ZDHHC7: variants seen among roughly 807,000 people sequenced by gnomAD.
The protein encoded by ZDHHC7 is palmitoyltransferase ZDHHC7.
In ZDHHC7, 12 loss-of-function variants were observed where a neutral mutation model predicts 34.1. The ratio of observed to expected loss-of-function variants is 0.35; its 90% CI spans 0.23 to 0.57. The LOEUF (loss-of-function observed/expected upper bound fraction) is 0.57, where lower values mean the gene tolerates loss of function less well. Ranked by LOEUF, ZDHHC7 falls within the 20% of genes least tolerant of loss-of-function variation. The pLI is 0.84. For missense variants in ZDHHC7, 388 were observed against 402.7 expected, an observed-to-expected ratio of 0.96 and a Z score of 0.31; for synonymous variants, 185 against 155.4, an observed-to-expected ratio of 1.19 and a Z score of -1.42.
At chr16:85,004,067 T>C (rs7194580) in intron 1 of ZDHHC7, among the ~76,000 whole-genome samples, 39,087 of 151,852 alleles carry the variant, frequency 0.26, 6,549 homozygotes, top group African/African-American at 0.47. Context: ...AGGCTGACGA[T>C]GCATCCCTAA....
chr16:84,992,535 C>A (rs559240927), intron 2 of ZDHHC7, among the ~76,000 whole-genome samples: 2 of 152,292 alleles, frequency 1.3e-5, no homozygotes, highest in African/African-American at 4.8e-5. Flanking sequence ...TTTGATTGTA[C>A]GCCCTTCTCT....
At chr16:84,979,397 ATGTC>A in intron 4 of ZDHHC7, 112 bp from the exon 5 acceptor site, 1 of 1,368,744 alleles carries the variant, frequency 7.3e-7, no homozygotes, top group African/African-American at 1.5e-5. Flanking sequence ...CTAATACAAC[ATGTC>A]AAAAAATATC....
chr16:85,006,019 G>A (rs1250417440), intron 1 of ZDHHC7, among the ~76,000 whole-genome samples: 3 of 152,066 alleles, frequency 2.0e-5, no homozygotes, highest in Non-Finnish European at 4.4e-5. Flanking sequence ...TAACTTCAAG[G>A]GTCACTAGAT....
intron 1 of ZDHHC7, among the ~76,000 whole-genome samples, chr16:84,999,049 C>G (rs2072621192): frequency 6.6e-6 from 1 of 152,188 alleles, no homozygotes; most frequent in Non-Finnish European, 1.5e-5. Context: ...GCCACCGTGC[C>G]CAGCCTAAAT....
At chr16:85,010,859 T>C (rs1300576029) in intron 1 of ZDHHC7, among the ~76,000 whole-genome samples, 1 of 152,214 alleles carries the variant, frequency 6.6e-6, no homozygotes, top group Admixed American at 6.5e-5. Context: ...GAGAAAAGTT[T>C]ACAGCTTAAG....
At chr16:84,989,802 G>C (rs1361908832) in intron 3 of ZDHHC7, among the ~76,000 whole-genome samples, 1 of 151,960 alleles carries the variant, frequency 6.6e-6, no homozygotes, top group Non-Finnish European at 1.5e-5. Context: ...TGACAAATTG[G>C]GAGTCCCTAT....
At chr16:85,007,613 T>A (rs1039328816) in intron 1 of ZDHHC7, among the ~76,000 whole-genome samples, 1 of 151,842 alleles carries the variant, frequency 6.6e-6, no homozygotes, top group Non-Finnish European at 1.5e-5. Context: ...ACACAAGCGT[T>A]AACATCAGGA....
chr16:84,981,764 C>A (rs993293812), intron 4 of ZDHHC7, 106 bp downstream of exon 4: 1 of 1,586,280 alleles, frequency 6.3e-7, no homozygotes, highest in South Asian at 1.1e-5. Context: ...TGCCCAGATG[C>A]TCGGGGGCCA....
Position 84,990,542 on chromosome 16 carries a change from G to GA in ZDHHC7, c.76dup (p.Ser26PhefsTer9), listed in dbSNP as rs1267243057. ...GTCAGCCTCGGAGGAGGAGGACGAT[G>GA]AAGAGTCATAGTTGTCATTTTCAGC... On this transcript the variant is annotated frameshift_variant, in exon 3 of 8. Coordinates refer to ENST00000313732, the MANE Select transcript of ZDHHC7 (RefSeq NM_017740.3). LOFTEE classifies it high-confidence loss of function. The GA allele has an allele frequency of 6.2e-7, 1 of 1,614,048 alleles. No individual in the cohort carries two copies. Among genetic ancestry groups the GA allele is most frequent in the East Asian group, 2.2e-5 (1 of 44,884 alleles).
upstream of ZDHHC7, among the ~76,000 whole-genome samples, chr16:85,015,353 G>A (rs1017307866): frequency 1.3e-5 from 2 of 151,974 alleles, no homozygotes; most frequent in African/African-American, 2.4e-5. Flanking sequence ...CACCCACCTC[G>A]TCTTCCCAAA....
the ZDHHC7 span, among the ~76,000 whole-genome samples, chr16:85,016,697 C>G: frequency 6.6e-6 from 1 of 151,366 alleles, no homozygotes; most frequent in Non-Finnish European, 1.5e-5. Context: ...TGAACTCAAG[C>G]GATCCTCTCA....
At chr16:84,993,032 A>G (rs1277621664) in intron 2 of ZDHHC7, among the ~76,000 whole-genome samples, 1 of 152,208 alleles carries the variant, frequency 6.6e-6, no homozygotes, top group Non-Finnish European at 1.5e-5. Context: ...AGATAAAAGC[A>G]GCTTTAAAAA....
At chr16:85,008,076 A>G (rs1308347002) in intron 1 of ZDHHC7, among the ~76,000 whole-genome samples, 1 of 152,068 alleles carries the variant, frequency 6.6e-6, no homozygotes, top group East Asian at 1.9e-4. Context: ...TGATTGTGCC[A>G]CCGCACTCCA....
chr16:85,001,948 C>G (rs1217423629), intron 1 of ZDHHC7, among the ~76,000 whole-genome samples: 1 of 151,950 alleles, frequency 6.6e-6, no homozygotes, highest in South Asian at 2.1e-4. Flanking sequence ...ACAAGATGAG[C>G]TTGGAGCATC....
At chr16:85,001,006 T>C (rs927359892) in intron 1 of ZDHHC7, among the ~76,000 whole-genome samples, 5 of 152,262 alleles carry the variant, frequency 3.3e-5, no homozygotes, top group African/African-American at 9.6e-5. Flanking sequence ...AGGACAATCA[T>C]GTGACACAGC....
intron 7 of ZDHHC7, 138 bp from the exon 8 acceptor site, chr16:84,976,657 G>A: frequency 7.9e-7 from 1 of 1,259,156 alleles, no homozygotes; most frequent in Admixed American, 2.7e-5. Context: ...TCCCAGCTCT[G>A]CCCCGATCCA....
intron 3 of ZDHHC7, among the ~76,000 whole-genome samples, chr16:84,986,325 A>G (rs1156752414): frequency 6.6e-6 from 1 of 152,238 alleles, no homozygotes; most frequent in Non-Finnish European, 1.5e-5. Context: ...TTACTGGCAC[A>G]GCGAGGCCTC....
chr16:84,982,344 CA>C (rs34800588), intron 3 of ZDHHC7, among the ~76,000 whole-genome samples: 2,306 of 111,086 alleles, frequency 0.021, 39 homozygotes, highest in African/African-American at 0.059. Flanking sequence ...GACTCCATCT[CA>C]AAAAAAAAAA....
At position 84,977,139 on chromosome 16, in the gene ZDHHC7, C is replaced by T. The variant is rs373745226; in HGVS notation, c.706G>A (p.Val236Ile). 67 of 1,614,064 alleles carry T rather than the reference C, an allele frequency of 4.2e-5. No homozygotes were observed. Among genetic ancestry groups the T allele is most frequent in the Non-Finnish European group, 5.7e-5 (67 of 1,180,048 alleles). Residue 236 changes from valine (V) to isoleucine (I), a missense_variant, in exon 7 of 8, where the codon GTT becomes ATT. Physicochemically the swap from Val to Ile is conservative, Grantham distance 29. Transcript: ENST00000313732. ...EGLLFFTFTA[V>I]MFGTQIHSIC... ...GAGTGGATTTGGGTGCCAAACATAA[C>T]TGCAGTGAAAGTGAAAAACAGAAGA...
Sources: allele counts gnomAD v4.1 joint callset (sites outside exome capture counted in the v4.1 genomes callset), GRCh38; gene constraint gnomAD v4.1.1; transcripts MANE v1.5; gene names NCBI Gene and HGNC (gene_info 2026-07-23, HGNC 2026-07-21).